The following PSMG2 variants were observed in gnomAD, a reference collection of about 807,000 sequenced individuals.
PSMG2 encodes the protein proteasome assembly chaperone 2.
A neutral mutation model predicts 31.5 loss-of-function variants in PSMG2; 21 were observed. The observed-to-expected ratio is 0.67, with a 90% CI of 0.47 to 0.96. PSMG2 has a LOEUF of 0.96. Ranked by LOEUF, PSMG2 falls within the 40% of genes least tolerant of loss-of-function variation. The pLI is 0.00. For synonymous variants in PSMG2, 120 were observed against 110.4 expected (o/e 1.09, Z -0.54); for missense variants, 318 against 321.2 (o/e 0.99, Z 0.08).
Position 12,695,438 on chromosome 18 carries a change from T to C in PSMG2, c.-36-11112T>C, listed in dbSNP as rs565227278. 6.6e-4 allele frequency: 348 copies of C among 523,712 alleles called. 1 individual carries two copies. The highest frequency in any genetic ancestry group is 1.1e-3 in the Non-Finnish European group (323 of 298,064). 32.4% of individuals were successfully genotyped at this position (523,712 alleles called of 1,614,324 possible). The stretch of plus-strand genomic sequence containing the variant: ...AGTCTAACCAAAATAATTTAGGCAC[T>C]TGGGTGTTTTATCACTTACATGGAA... On this transcript the variant is annotated intron_variant, in intron 1 of 6. Coordinates refer to the PSMG2 transcript ENST00000585331.
At chr18:12,702,939 G>T, upstream of PSMG2, 2 of 731,388 alleles carry the variant, frequency 2.7e-6, no homozygotes, top group South Asian at 2.1e-5. Context: ...GCCTCTTTCC[G>T]CCCTCTGAAC....
At chr18:12,665,297 T>C (rs9951546) in intron 1 of PSMG2, among the ~76,000 whole-genome samples, 150,019 of 152,270 alleles carry the variant, frequency 0.99, 73,935 homozygotes, top group Middle Eastern at 1. Flanking sequence ...CGTGGTGGTA[T>C]GTGCCTGTGG....
At chr18:12,696,992 A>G (rs1253053428) in intron 1 of PSMG2, among the ~76,000 whole-genome samples, 1 of 152,182 alleles carries the variant, frequency 6.6e-6, no homozygotes, top group Non-Finnish European at 1.5e-5. Context: ...CATTTTCCAG[A>G]AAAAAACATT....
upstream of PSMG2, among the ~76,000 whole-genome samples, chr18:12,701,848 C>T (rs1474407575): frequency 6.6e-6 from 1 of 152,212 alleles, no homozygotes; most frequent in African/African-American, 2.4e-5. Flanking sequence ...ACCCTGATAT[C>T]TGCCGGGCGC....
chr18:12,705,868 A>G (rs1464314999), intron 1 of PSMG2, among the ~76,000 whole-genome samples: 1 of 151,560 alleles, frequency 6.6e-6, no homozygotes, highest in Non-Finnish European at 1.5e-5. Context: ...ACATCCTCAC[A>G]CTCACTTTAT....
chr18:12,672,239 T>G (rs1568007475), intron 1 of PSMG2, among the ~76,000 whole-genome samples: 1 of 151,426 alleles, frequency 6.6e-6, no homozygotes, highest in African/African-American at 2.4e-5. Context: ...CTCAGCCTCC[T>G]GAGTAGCTGG....
intron 1 of PSMG2, chr18:12,691,418 T>C: frequency 1.2e-6 from 2 of 1,609,248 alleles, no homozygotes; most frequent in Non-Finnish European, 1.7e-6. Context: ...AAATATTCTC[T>C]CCACCACTGC....
chr18:12,725,289 G>A (rs948872081), intron 6 of PSMG2, 150 bp from the exon 7 acceptor site: 5 of 526,350 alleles, frequency 9.5e-6, no homozygotes, highest in Admixed American at 7.8e-5. Context: ...TTGACATGAA[G>A]ACAAAGAAAC....
intron 1 of PSMG2, chr18:12,680,534 T>C (rs2039307288): frequency 1.8e-6 from 1 of 559,816 alleles, no homozygotes; most frequent in Non-Finnish European, 2.9e-6. Context: ...GAGGTGGAGG[T>C]TGCAGTGAGC....
At chr18:12,673,267 T>C in intron 1 of PSMG2, 1 of 1,478,642 alleles carries the variant, frequency 6.8e-7, no homozygotes, top group Non-Finnish European at 8.9e-7. Flanking sequence ...TCAAGCCAGA[T>C]TGTGATTTTA....
chr18:12,683,186 C>CAAAAAAAAAAAAAAAAAAA lies in PSMG2; in HGVS notation c.-36-23346_-36-23345insAAAAAAAAAAAAAAAAAAA, dbSNP rs765652085. On this transcript the variant is annotated intron_variant, in intron 1 of 6. Transcript: ENST00000585331. ...GAAACCCCATCTCTACTAAAAATAC[C>CAAAAAAAAAAAAAAAAAAA]AAAAAAAAAAAAAAAAAAGCCAGGC... Among the ~76,000 whole-genome samples, 57 of 63,662 alleles carry CAAAAAAAAAAAAAAAAAAA rather than the reference C, an allele frequency of 9.0e-4. 2 individuals are homozygous for CAAAAAAAAAAAAAAAAAAA. The highest frequency in any genetic ancestry group is 2.9e-3 in the African/African-American group (49 of 16,988). The allele number at this position is 63,662 out of a possible 152,430, so 41.8% of individuals were successfully genotyped here.
intron 1 of PSMG2, chr18:12,695,483 T>G (rs2039920692): frequency 1.1e-5 from 5 of 460,072 alleles, no homozygotes; most frequent in Non-Finnish European, 1.6e-5. Context: ...CATTCAACAT[T>G]ACCTTTAATA....
intron 1 of PSMG2, chr18:12,678,983 A>G (rs532726842): frequency 6.6e-6 from 1 of 152,194 alleles, no homozygotes; most frequent in African/African-American, 2.4e-5. Flanking sequence ...CTCAGATAAC[A>G]TAATTAAAAT....
intron 3 of PSMG2, 30 bp downstream of exon 3, chr18:12,712,790 T>C (rs764978404): frequency 5.3e-6 from 8 of 1,520,014 alleles, no homozygotes; most frequent in Non-Finnish European, 7.3e-6. Context: ...CCTTTTTGTT[T>C]ATTAAAGTGT....
At chr18:12,666,725 A>G (rs2038811857) in intron 1 of PSMG2, among the ~76,000 whole-genome samples, 1 of 151,580 alleles carries the variant, frequency 6.6e-6, no homozygotes, top group South Asian at 2.1e-4. Flanking sequence ...GTGGAATTAC[A>G]GGCTTCAGTC....
chr18:12,670,055 T>G (rs1191229031), intron 1 of PSMG2, among the ~76,000 whole-genome samples: 1 of 148,790 alleles, frequency 6.7e-6, no homozygotes, highest in Admixed American at 6.7e-5. Flanking sequence ...ATAGGCCAGG[T>G]GCGATGGTCC....
chr18:12,678,214 T>C (rs769106251), intron 1 of PSMG2: 1 of 1,614,188 alleles, frequency 6.2e-7, no homozygotes, highest in Admixed American at 1.7e-5. Context: ...GAGGAAGGGA[T>C]GTTGTAGCTC....
At chr18:12,667,416 C>T (rs993659693) in intron 1 of PSMG2, among the ~76,000 whole-genome samples, 1 of 151,916 alleles carries the variant, frequency 6.6e-6, no homozygotes, top group Admixed American at 6.6e-5. Flanking sequence ...ATGATCACAC[C>T]ACTGCACTCT....
upstream of PSMG2, chr18:12,700,002 A>T (rs2040097430): frequency 1.5e-6 from 1 of 687,160 alleles, no homozygotes; most frequent in Non-Finnish European, 2.4e-6. Context: ...CCTAAAGTCA[A>T]CAGGGTAAGG....
Sources: allele counts gnomAD v4.1 joint callset (sites outside exome capture counted in the v4.1 genomes callset), GRCh38; gene constraint gnomAD v4.1.1; transcripts MANE v1.5; gene names NCBI Gene and HGNC (gene_info 2026-07-23, HGNC 2026-07-21).